Variants in CDH23 observed in about 807,000 individuals in gnomAD.
The protein encoded by CDH23 is cadherin-23.
In CDH23, 189 loss-of-function variants were observed where a neutral mutation model predicts 317.1. That is an observed-to-expected ratio of 0.60 (90% CI 0.53 to 0.67). CDH23 has a LOEUF of 0.67. Among genes scored for constraint, CDH23 ranks in the 30% least tolerant of loss-of-function variants. CDH23 has a pLI of 0.00. For synonymous variants in CDH23, 1,839 were observed against 1,876.8 expected, an observed-to-expected ratio of 0.98 and a Z score of 0.52; for missense variants, 4,401 against 4,592.4, an observed-to-expected ratio of 0.96 and a Z score of 1.20.
rs569475341 is a variant in CDH23 at position 71,732,090 on chromosome 10, C to T, written c.3819C>T (p.Tyr1273=). The T allele has an allele frequency of 2.2e-5, 35 of 1,614,026 alleles. No individual in the cohort carries two copies. The African/African-American group carries it at 3.6e-4, about 17-fold the overall frequency. ...TCATCACCGTGAATTACCTGGACTA[C>T]GAGACCAAGACCAGCTACATGATGA... is the stretch of plus-strand genomic sequence containing the variant. ...GLIITVNYLD[Y]ETKTSYMMNV... Residue 1273 remains tyrosine (Y), a synonymous_variant, in exon 32 of 70, where the codon TAC becomes TAT. Coordinates refer to ENST00000224721, the MANE Select transcript of CDH23 (RefSeq NM_022124.6).
At chr10:71,480,698 A>G (rs2394799) in intron 3 of CDH23, among the ~76,000 whole-genome samples, 87,928 of 152,032 alleles carry the variant, frequency 0.58, 25,795 homozygotes, top group East Asian at 0.77. Flanking sequence ...GTGAGGAAAC[A>G]GATGGGGTCA....
At chr10:71,401,185 C>T (rs141762891) in intron 1 of CDH23, among the ~76,000 whole-genome samples, 30 of 152,260 alleles carry the variant, frequency 2.0e-4, no homozygotes, top group African/African-American at 5.8e-4. Flanking sequence ...GTGACACTGA[C>T]GCTGCTCAGG....
At chr10:71,646,758 TTAAA>T (rs1477495291) in intron 14 of CDH23, 141 bp downstream of exon 14, 8 of 1,597,190 alleles carry the variant, frequency 5.0e-6, no homozygotes, top group Non-Finnish European at 6.8e-6. Context: ...TGTTGGTGTA[TTAAA>T]TAAAGTTTTT....
Position 71,732,391 on chromosome 10 carries a change from C to A in CDH23, c.4104+16C>A, listed in dbSNP as rs549123269. ...CGCCATCACGGTGAGGGGCTGGGGG[C>A]AGGGAGCACCATTTCTTCCAATCTA... On this transcript the variant is annotated intron_variant, in intron 32 of 69. Transcript: ENST00000224721. 1 of 1,553,564 alleles carries A rather than the reference C, an allele frequency of 6.4e-7. No homozygotes were observed. The highest frequency in any genetic ancestry group is 1.4e-5 in the African/African-American group (1 of 73,244).
chr10:71,483,203 C>A (rs1001468669), intron 3 of CDH23, among the ~76,000 whole-genome samples: 2 of 152,190 alleles, frequency 1.3e-5, no homozygotes, highest in African/African-American at 4.8e-5. Context: ...ACTTGGTGAC[C>A]CACCCCAGCA....
rs768631637 is a variant in CDH23 at position 71,732,256 on chromosome 10, G to A, written c.3985G>A (p.Gly1329Ser). 5 of 1,613,622 alleles carry A rather than the reference G, an allele frequency of 3.1e-6. No homozygotes were observed. Among genetic ancestry groups the A allele is most frequent in the African/African-American group, 2.7e-5 (2 of 74,910 alleles). Residue 1329 changes from glycine to serine, a missense_variant, in exon 32 of 70, where the codon GGT (glycine) becomes AGT (serine). By Grantham distance (56) the Gly-to-Ser change is moderately conservative. Transcript: ENST00000224721. ...EAAILENLAL[G>S]TEIVRVQAYS... Reference sequence around the variant, plus strand: ...TGCCATCCTGGAGAATCTGGCACTGGGTACTGAGATTGTGCGGGTCCAGGC... The same window carrying A: ...TGCCATCCTGGAGAATCTGGCACTGAGTACTGAGATTGTGCGGGTCCAGGC...
In CDH23 at chr10:71,603,346, A is replaced by T. The variant is rs114973069; in HGVS notation, c.833-12158A>T. 9.0e-3 allele frequency among the ~76,000 whole-genome samples: 1,364 copies of T among 152,300 alleles called. 24 individuals are homozygous for T. The highest frequency in any genetic ancestry group is 0.031 in the African/African-American group (1,290 of 41,554). ...GATCATCAAATATCAAACACTGCTTATGCACAGACTGAGATGGCTTTATCG... is the reference window on the plus strand; with the variant it reads ...GATCATCAAATATCAAACACTGCTTTTGCACAGACTGAGATGGCTTTATCG... On this transcript the variant is annotated intron_variant, in intron 9 of 69. Transcript: ENST00000224721.
At position 71,446,303 on chromosome 10, in the gene CDH23, T is replaced by C; in HGVS notation, c.68-15T>C. The C allele has an allele frequency of 4.3e-6, 7 of 1,613,770 alleles. No homozygotes were observed. The highest frequency in any genetic ancestry group is 5.9e-6 in the Non-Finnish European group (7 of 1,179,646). On this transcript the variant is annotated splice_polypyrimidine_tract_variant and intron_variant, in intron 2 of 69. Transcript: ENST00000224721. Reference sequence around the variant, plus strand: ...GGGGGGTACTTGGCTGACGCTCTTGTCCTCTGACTTCCAGGCCAGGTGAAC... The same window carrying C: ...GGGGGGTACTTGGCTGACGCTCTTGCCCTCTGACTTCCAGGCCAGGTGAAC...
chr10:71,432,548 G>T lies in CDH23; in HGVS notation c.-5-7279G>T, dbSNP rs181031072. ...TGGGTGAGTGTGTGAGAGAGTGTGT[G>T]TGTGTGCTTTCAGGCACAAGTTTTC... On this transcript the variant is annotated intron_variant, in intron 1 of 69. Coordinates refer to ENST00000224721, the MANE Select transcript of CDH23 (RefSeq NM_022124.6). Among the ~76,000 whole-genome samples, 8 of 152,228 alleles carry T rather than the reference G, an allele frequency of 5.3e-5. No homozygotes were observed. The South Asian group carries it at 1.0e-3, about 20-fold the overall frequency.
chr10:71,522,140 G>A (rs1236811743), intron 6 of CDH23, among the ~76,000 whole-genome samples: 3 of 139,040 alleles, frequency 2.2e-5, no homozygotes, highest in Non-Finnish European at 4.8e-5. Context: ...TTTTTTTTTT[G>A]TCTTATTTTT....
chr10:71,589,626 G>A (rs1329558588), intron 9 of CDH23, among the ~76,000 whole-genome samples: 1 of 152,184 alleles, frequency 6.6e-6, no homozygotes, highest in Non-Finnish European at 1.5e-5. Flanking sequence ...GTTAGGAAAG[G>A]GTTTGTTCTC....
In CDH23 at chr10:71,732,137, C is replaced by T. The variant is rs764761306; in HGVS notation, c.3866C>T (p.Ala1289Val). 3 of 1,614,018 alleles carry T rather than the reference C, an allele frequency of 1.9e-6. No homozygotes were observed. The highest frequency in any genetic ancestry group is 1.7e-5 in the Admixed American group (1 of 60,026). ...ATGAATGTGTCGGCCACTGACCAGGCCCCGCCCTTCAACCAGGGCTTCTGC... is the reference window on the plus strand; with the variant it reads ...ATGAATGTGTCGGCCACTGACCAGGTCCCGCCCTTCAACCAGGGCTTCTGC... ...YMMNVSATDQ[A>V]PPFNQGFCSV... The change falls in exon 32 of 70, where the codon GCC becomes GTC. Residue 1289 changes from alanine (A) to valine (V), a missense_variant. Physicochemically the swap from Ala to Val is moderately conservative, Grantham distance 64 (BLOSUM62 0). Transcript: ENST00000224721.
intron 17 of CDH23, among the ~76,000 whole-genome samples, chr10:71,681,368 C>T (rs1864642741): frequency 1.3e-5 from 2 of 152,120 alleles, no homozygotes; most frequent in Admixed American, 6.5e-5. Context: ...TTAGCACAAA[C>T]AAGTACTAAT....
intron 3 of CDH23, among the ~76,000 whole-genome samples, chr10:71,473,217 C>T (rs1035067678): frequency 3.3e-5 from 5 of 152,124 alleles, no homozygotes; most frequent in Non-Finnish European, 5.9e-5. Flanking sequence ...ACTGGAGAGG[C>T]GGTGTTCTGG....
chr10:71,533,525 CCACACACACACA>C (rs55659529), intron 6 of CDH23, among the ~76,000 whole-genome samples: 4 of 130,752 alleles, frequency 3.1e-5, no homozygotes, highest in Non-Finnish European at 4.8e-5. Flanking sequence ...TGGCTGGACA[CCACACACACACA>C]CACACACACA....
At position 71,397,212 on chromosome 10, in the gene CDH23, G is replaced by C; in HGVS notation, c.-112G>C. 4.1e-6 allele frequency: 1 copy of C among 244,248 alleles called. No individual in the cohort carries two copies. Among genetic ancestry groups the C allele is most frequent in the Non-Finnish European group, 8.2e-6 (1 of 121,662 alleles). 15.1% of individuals were successfully genotyped at this position (244,248 alleles called of 1,614,324 possible). Reference sequence around the variant, plus strand: ...GGATGAGCCTTCGCGCCGGCGGGAAGACGCGGCGGTGGCCAGGGCCAGAGC... The same window carrying C: ...GGATGAGCCTTCGCGCCGGCGGGAACACGCGGCGGTGGCCAGGGCCAGAGC... On this transcript the variant is annotated 5_prime_UTR_variant, in exon 1 of 70. Transcript: ENST00000224721. The surrounding 1 kb of genome is among the most constrained non-coding windows in gnomAD (Gnocchi z 4.8).
chr10:71,538,434 A>G (rs1240705167), intron 6 of CDH23, among the ~76,000 whole-genome samples: 2 of 151,386 alleles, frequency 1.3e-5, no homozygotes, highest in African/African-American at 2.5e-5. Flanking sequence ...GACGTTTGGG[A>G]AAACTGAGGC....
In CDH23 at chr10:71,427,232, AGAAAGAAAGAAAGG is replaced by A. The variant is rs1241420741; in HGVS notation, c.-5-12581_-5-12568del. Among the ~76,000 whole-genome samples the A allele has an allele frequency of 1.9e-4, 16 of 85,308 alleles. 2 individuals are homozygous for A. Among genetic ancestry groups the A allele is most frequent in the Admixed American group, 4.5e-4 (4 of 8,904 alleles). The allele number at this position is 85,308 out of a possible 152,430, so 56.0% of individuals were successfully genotyped here. On this transcript the variant is annotated intron_variant, in intron 1 of 69. Coordinates refer to ENST00000224721, the MANE Select transcript of CDH23 (RefSeq NM_022124.6). ...AAGAAAGAAAGAAAGAAAGAAAGAA[AGAAAGAAAGAAAGG>A]GAAAGAAAGAAAGAGAAAGAGAGAA...
intron 41 of CDH23, among the ~76,000 whole-genome samples, chr10:71,782,287 C>T (rs1286690526): frequency 6.6e-6 from 1 of 152,226 alleles, no homozygotes; most frequent in Non-Finnish European, 1.5e-5. Flanking sequence ...CCTCACCCTC[C>T]CTGAAAGCTC....
Sources: gnomAD v4.1 joint callset for allele counts (sites outside exome capture counted in the v4.1 genomes callset) on GRCh38, gnomAD v4.1.1 for gene constraint, Gnocchi (gnomAD v3.1) non-coding constraint, MANE v1.5 for transcripts, NCBI Gene and HGNC (gene_info 2026-07-23, HGNC 2026-07-21) for gene names.